CERS5: variants seen among roughly 807,000 people sequenced by gnomAD.
The protein encoded by CERS5 is ceramide synthase 5, also known as LAG1 homolog, ceramide synthase 5.
A neutral mutation model predicts 58.9 loss-of-function variants in CERS5; 37 were observed. The ratio of observed to expected loss-of-function variants is 0.63; its 90% CI spans 0.48 to 0.83. CERS5 has a LOEUF of 0.83. Ranked by LOEUF, CERS5 falls within the 40% of genes least tolerant of loss-of-function variation. The probability of loss-of-function intolerance (pLI) is 0.00; values close to 1 mark genes in which losing one functional copy is unlikely to be tolerated. For missense variants in CERS5, 398 were observed against 489.3 expected (o/e 0.81, Z 1.76); for synonymous variants, 147 against 177.8 (o/e 0.83, Z 1.38).
At chr12:50,163,745 A>G (rs1359494222) in intron 1 of CERS5, among the ~76,000 whole-genome samples, 1 of 152,118 alleles carries the variant, frequency 6.6e-6, no homozygotes, top group East Asian at 1.9e-4. Flanking sequence ...TCCCGGGTTC[A>G]AGCAATCCTC....
At chr12:50,166,463 A>C (rs1186395785) in intron 1 of CERS5, 1 of 154,228 alleles carries the variant, frequency 6.5e-6, no homozygotes, top group African/African-American at 2.4e-5. Context: ...TTCTGCAACT[A>C]ATCTGACATC....
Position 50,130,205 on chromosome 12 carries a change from A to G in CERS5, c.*340T>C. 1 of 198,626 alleles carries G rather than the reference A, an allele frequency of 5.0e-6. No homozygotes were observed. Among genetic ancestry groups the G allele is most frequent in the Non-Finnish European group, 1.0e-5 (1 of 98,280 alleles). The allele number at this position is 198,626 out of a possible 1,614,324, so 12.3% of individuals were successfully genotyped here. On this transcript the variant is annotated 3_prime_UTR_variant, in exon 10 of 10. Transcript: ENST00000317551. ...TTGGCATAATTCAAGATGCAGCCAA[A>G]TGTGGAACTAAGGTGGGTTCAGTGG...
chr12:50,136,393 A>G (rs1951700392), intron 6 of CERS5, among the ~76,000 whole-genome samples: 1 of 152,096 alleles, frequency 6.6e-6, no homozygotes, highest in South Asian at 2.1e-4. Context: ...GAATTGCTCA[A>G]ACCTGGGAGG....
In CERS5 at chr12:50,167,276, G is replaced by A; in HGVS notation, c.22C>T (p.Pro8Ser). 1 of 1,560,456 alleles carries A rather than the reference G, an allele frequency of 6.4e-7. No individual in the cohort carries two copies. Among genetic ancestry groups the A allele is most frequent in the Non-Finnish European group, 8.6e-7 (1 of 1,161,248 alleles). MATAAQG[P>S]LSLLWGWLWS... ...AGCCAGCCCCACAGCAAGCTTAGGG[G>A]TCCCTGCGCTGCTGTCGCCATCTTA... is the stretch of plus-strand genomic sequence containing the variant. Residue 8 changes from proline (P) to serine (S), a missense_variant, in exon 1 of 10, where the codon CCC becomes TCC. This residue lies in a region of CERS5 where 328 missense variants were observed against 384.5 expected (regional missense o/e 0.85). Transcript: ENST00000317551.
In CERS5 at chr12:50,149,545, G is replaced by T. The variant is rs1023684904; in HGVS notation, c.198-5488C>A. 5.3e-5 allele frequency among the ~76,000 whole-genome samples: 8 copies of T among 152,148 alleles called. No individual in the cohort carries two copies. The East Asian group carries it at 1.2e-3, about 22-fold the overall frequency. ...GATTCATTACACCACTGATGAATAT[G>T]AATTATACACAAATAAAACCAAAGT... On this transcript the variant is annotated intron_variant, in intron 1 of 9. Coordinates refer to ENST00000317551, the MANE Select transcript of CERS5 (RefSeq NM_147190.5).
Position 50,129,794 on chromosome 12 carries a change from G to A in CERS5, c.*751C>T, listed in dbSNP as rs12322408. 1.5e-5 allele frequency: 2 copies of A among 132,406 alleles called. No individual in the cohort carries two copies. Among genetic ancestry groups the A allele is most frequent in the Non-Finnish European group, 3.1e-5 (2 of 64,010 alleles). 8.2% of individuals were successfully genotyped at this position (132,406 alleles called of 1,614,324 possible). ...AGTCACTGAAGAGGTTGAGACAGTA[G>A]AGGTGGGTTGAAGCACTTTTAATCA... On this transcript the variant is annotated 3_prime_UTR_variant, in exon 10 of 10. Coordinates refer to ENST00000317551, the MANE Select transcript of CERS5 (RefSeq NM_147190.5).
chr12:50,164,304 G>A (rs949780742), intron 1 of CERS5, among the ~76,000 whole-genome samples: 1 of 149,990 alleles, frequency 6.7e-6, no homozygotes, highest in African/African-American at 2.5e-5. Flanking sequence ...GCATAGTGGT[G>A]TGCACCTATG....
intron 5 of CERS5, among the ~76,000 whole-genome samples, chr12:50,138,064 T>G (rs1356396932): frequency 2.0e-5 from 3 of 152,220 alleles, no homozygotes; most frequent in Non-Finnish European, 4.4e-5. Flanking sequence ...AGTTAACACA[T>G]ACTGTAACAC....
rs773368671 is a variant in CERS5 at position 50,148,927 on chromosome 12, AATATAT to A, written c.198-4876_198-4871del. Among the ~76,000 whole-genome samples, 96 of 48,034 alleles carry A rather than the reference AATATAT, an allele frequency of 2.0e-3. 1 individual carries two copies. The highest frequency in any genetic ancestry group is 0.014 in the East Asian group (13 of 910). 31.5% of individuals were successfully genotyped at this position (48,034 alleles called of 152,430 possible). On this transcript the variant is annotated intron_variant, in intron 1 of 9. Transcript: ENST00000317551. Reference sequence around the variant, plus strand: ...CTCAAAAAAAAAAAAAAAAAAAAAAAATATATATATATATATATATGTGTGTGTGTG... The same window carrying A: ...CTCAAAAAAAAAAAAAAAAAAAAAAAATATATATATATATGTGTGTGTGTG...
At chr12:50,142,418 C>T (rs1465944718) in intron 3 of CERS5, among the ~76,000 whole-genome samples, 5 of 151,488 alleles carry the variant, frequency 3.3e-5, no homozygotes, top group Non-Finnish European at 5.9e-5. Flanking sequence ...GGCATGGTGG[C>T]GTGCACCTGT....
At chr12:50,132,768 A>G (rs1592328363) in intron 9 of CERS5, among the ~76,000 whole-genome samples, 1 of 152,220 alleles carries the variant, frequency 6.6e-6, no homozygotes. Context: ...AACAAAAAAA[A>G]GTAGACTCAA....
At chr12:50,137,945 C>A in intron 5 of CERS5, 125 bp from the exon 6 acceptor site, 1 of 658,796 alleles carries the variant, frequency 1.5e-6, no homozygotes, top group Non-Finnish European at 2.7e-6. Context: ...CCATTATCTG[C>A]CAAGATATGC....
intron 8 of CERS5, chr12:50,135,524 A>G (rs1440125165): frequency 8.6e-6 from 6 of 700,298 alleles, no homozygotes; most frequent in African/African-American, 7.0e-5. Flanking sequence ...CGACCTTGCT[A>G]GAAATACGGT....
intron 1 of CERS5, among the ~76,000 whole-genome samples, chr12:50,160,963 C>T (rs553244659): frequency 6.6e-6 from 1 of 152,304 alleles, no homozygotes; most frequent in Admixed American, 6.5e-5. Context: ...AATTTAACAA[C>T]AGAAACAAAG....
In CERS5 at chr12:50,143,993, G is replaced by C. The variant is rs781293571; in HGVS notation, c.262C>G (p.Pro88Ala). 6 of 1,612,882 alleles carry C rather than the reference G, an allele frequency of 3.7e-6. No homozygotes were observed. The highest frequency in any genetic ancestry group is 5.1e-6 in the Non-Finnish European group (6 of 1,178,860). ...AACACCTTTTCAAGGATGGCATTGG[G>C]TTGGGCCTGATAAGGACCACTGTCC... ...IEDSGPYQAQPNAILEKVFIS... is the reference protein window; with the variant it reads ...IEDSGPYQAQANAILEKVFIS... The change falls in exon 2 of 10, where the codon CCC (proline) becomes GCC (alanine). Residue 88 changes from proline (P) to alanine (A), a missense_variant. Coordinates refer to ENST00000317551, the MANE Select transcript of CERS5 (RefSeq NM_147190.5).
rs1341040462 is a variant in CERS5, at chr12:50,136,046, A to G, written c.660T>C (p.His220=). ...KRKDFLIMFV[H]HLVTIGLISF... is the part of the protein sequence containing the mutation. The stretch of plus-strand genomic sequence containing the variant: ...AGATAAGCCCAATGGTGACCAAGTG[A>G]TGCACAAACATGATCAGGAAGTCCT... The change falls in exon 7 of 10, where the codon CAT becomes CAC. Residue 220 remains histidine, a synonymous_variant. Transcript: ENST00000317551. 2.0e-6 allele frequency: 3 copies of G among 1,502,320 alleles called. No homozygotes were observed. The allele number at this position is 1,502,320 out of a possible 1,614,324, so 93.1% of individuals were successfully genotyped here. A position where few individuals can be genotyped will look rare whatever the true frequency, so the allele number is the denominator to read the frequency against.
intron 9 of CERS5, chr12:50,132,954 A>G: frequency 7.8e-7 from 1 of 1,289,066 alleles, no homozygotes; most frequent in South Asian, 1.2e-5. Context: ...AAGCACAGAT[A>G]CACTTACATG....
chr12:50,141,452 T>G (rs1174069004), intron 4 of CERS5, among the ~76,000 whole-genome samples: 1 of 152,186 alleles, frequency 6.6e-6, no homozygotes, highest in East Asian at 1.9e-4. Context: ...TCCTTCAATT[T>G]TTGTCAAGTG....
chr12:50,138,519 A>C (rs1228007379), intron 5 of CERS5, 48 bp downstream of exon 5: 1 of 1,510,026 alleles, frequency 6.6e-7, no homozygotes, highest in Non-Finnish European at 9.2e-7. Flanking sequence ...CACTCACTCC[A>C]CCTTATACAC....
Sources: allele counts gnomAD v4.1 joint callset (sites outside exome capture counted in the v4.1 genomes callset), GRCh38; gene constraint gnomAD v4.1.1; regional missense constraint gnomAD v4.1.1; transcripts MANE v1.5; gene names NCBI Gene and HGNC (gene_info 2026-07-23, HGNC 2026-07-21).